DNAI3: variants seen among roughly 807,000 people sequenced by gnomAD.
The protein encoded by DNAI3 is dynein axonemal intermediate chain 3, also known as WD repeat domain 63.
DNAI3 carries 83 observed loss-of-function variants against 115.5 expected under a neutral mutation model. The ratio of observed to expected loss-of-function variants is 0.72; its 90% CI spans 0.60 to 0.86. The LOEUF (loss-of-function observed/expected upper bound fraction) is 0.86, where lower values mean the gene tolerates loss of function less well. Among genes scored for constraint, DNAI3 ranks in the 40% least tolerant of loss-of-function variants. DNAI3 has a pLI of 0.00. For synonymous variants in DNAI3, 320 were observed against 347.0 expected (o/e 0.92, Z 0.86); for missense variants, 1,004 against 1,075.8 (o/e 0.93, Z 0.93).
chr1:85,097,124 G>A (rs951158247), intron 11 of DNAI3, among the ~76,000 whole-genome samples: 4 of 151,814 alleles, frequency 2.6e-5, no homozygotes, highest in African/African-American at 9.7e-5. Context: ...AGAATTCAGA[G>A]TTGGCTGTAA....
At position 85,085,881 on chromosome 1, in the gene DNAI3, G is replaced by A. The variant is rs1351089340; in HGVS notation, c.591G>A (p.Lys197=). ...GAAGTGAATTTGGTGCACCAATTAA[G>A]TTCAGTGACCAGAATGCTTCCAGTG... ...RKRSEFGAPI[K]FSDQNASSVK... Residue 197 remains lysine, a synonymous_variant, in exon 7 of 23, where the codon AAG becomes AAA. Transcript: ENST00000294664. 1 of 1,614,178 alleles carries A rather than the reference G, an allele frequency of 6.2e-7. No individual in the cohort carries two copies. The highest frequency in any genetic ancestry group is 1.1e-5 in the South Asian group (1 of 91,084).
At chr1:85,119,058 T>A (rs1655913089) in intron 17 of DNAI3, among the ~76,000 whole-genome samples, 1 of 152,228 alleles carries the variant, frequency 6.6e-6, no homozygotes, top group African/African-American at 2.4e-5. Flanking sequence ...TAGTAAGCAA[T>A]GCAACACTAC....
chr1:85,124,097 G>C, intron 18 of DNAI3, 24 bp from the exon 19 acceptor site: 1 of 1,613,662 alleles, frequency 6.2e-7, no homozygotes, highest in African/African-American at 1.3e-5. Context: ...TTAAAGATGA[G>C]ATGGTCTTCT....
chr1:85,062,705 T>TAAGGGCGAG (rs1653966013), intron 1 of DNAI3, among the ~76,000 whole-genome samples: 1 of 152,172 alleles, frequency 6.6e-6, no homozygotes, highest in Admixed American at 6.5e-5. Flanking sequence ...CTAAGAACTT[T>TAAGGGCGAG]AAGGGCATGT....
intron 8 of DNAI3, among the ~76,000 whole-genome samples, chr1:85,092,794 T>TATAC (rs1272263536): frequency 1.0e-4 from 15 of 145,280 alleles, no homozygotes; most frequent in African/African-American, 3.6e-4. Context: ...CAACTAAAAC[T>TATAC]ACACACACAC....
In DNAI3 at chr1:85,073,685, A is replaced by G. The variant is rs562353437; in HGVS notation, c.103+593A>G. 1.3e-3 allele frequency among the ~76,000 whole-genome samples: 199 copies of G among 152,320 alleles called. 3 individuals carry two copies. Among genetic ancestry groups the G allele is most frequent in the South Asian group, 8.7e-3 (42 of 4,820 alleles). ...GGAAGACCTAAAAGCCCTGTAGGCC[A>G]CTGTAAAGATTTTGTCTTTTAATCG... On this transcript the variant is annotated intron_variant, in intron 3 of 22. Transcript: ENST00000294664.
At chr1:85,113,626 G>A (rs1480841810) in intron 16 of DNAI3, among the ~76,000 whole-genome samples, 1 of 148,750 alleles carries the variant, frequency 6.7e-6, no homozygotes. Context: ...AAATTAGATA[G>A]TGTTAGTTTT....
chr1:85,080,436 G>C (rs9787149), intron 3 of DNAI3, among the ~76,000 whole-genome samples: 90,776 of 152,030 alleles, frequency 0.6, 27,128 homozygotes, highest in Non-Finnish European at 0.6. Context: ...TAGTTGAATG[G>C]ATGCTGGTGG....
chr1:85,106,209 T>C (rs1320692232), intron 14 of DNAI3, among the ~76,000 whole-genome samples: 1 of 152,186 alleles, frequency 6.6e-6, no homozygotes, highest in Non-Finnish European at 1.5e-5. Flanking sequence ...TTTAAGATTA[T>C]GTAACTTTGA....
Position 85,103,573 on chromosome 1 carries a change from C to T in DNAI3, c.1480-951C>T, listed in dbSNP as rs1027094290. On this transcript the variant is annotated intron_variant, in intron 13 of 22. Coordinates refer to ENST00000294664, the MANE Select transcript of DNAI3 (RefSeq NM_145172.5). ...GGTAATGAAATGGTGGTATATCATCCGTATATTATAAAAGGATTAAAATAA... is the reference window on the plus strand; with the variant it reads ...GGTAATGAAATGGTGGTATATCATCTGTATATTATAAAAGGATTAAAATAA... Among the ~76,000 whole-genome samples, 5 of 152,178 alleles carry T rather than the reference C, an allele frequency of 3.3e-5. No homozygotes were observed. The South Asian group carries it at 6.2e-4, about 19-fold the overall frequency.
intron 1 of DNAI3, among the ~76,000 whole-genome samples, chr1:85,069,149 C>T (rs2100552459): frequency 6.6e-6 from 1 of 152,346 alleles, no homozygotes; most frequent in Non-Finnish European, 1.5e-5. Flanking sequence ...TAGTCTTTCC[C>T]TGACTCTGCT....
intron 7 of DNAI3, among the ~76,000 whole-genome samples, chr1:85,087,453 A>AAAAAAAG (rs1553165973): frequency 6.6e-6 from 1 of 150,494 alleles, no homozygotes; most frequent in African/African-American, 2.4e-5. Flanking sequence ...AAAAAAAAAA[A>AAAAAAAG]AAAAAAGAAA....
intron 3 of DNAI3, 41 bp downstream of exon 3, chr1:85,073,133 A>G (rs374214849): frequency 9.0e-5 from 128 of 1,423,640 alleles, no homozygotes; most frequent in Non-Finnish European, 1.1e-4. Context: ...CCTCAGTTTT[A>G]TAATATTTTA....
intron 1 of DNAI3, among the ~76,000 whole-genome samples, chr1:85,063,035 A>C (rs1446131981): frequency 1.3e-5 from 2 of 152,238 alleles, no homozygotes; most frequent in Non-Finnish European, 2.9e-5. Context: ...TAGTTTACCC[A>C]GTACCTAATT....
intron 18 of DNAI3, among the ~76,000 whole-genome samples, chr1:85,123,219 A>T (rs951675635): frequency 2.0e-5 from 3 of 152,090 alleles, no homozygotes; most frequent in African/African-American, 7.2e-5. Flanking sequence ...CAGAACTGCC[A>T]CTGCAGCCTC....
rs527730065 is a variant in DNAI3 at position 85,119,900 on chromosome 1, A to G, written c.1918-1851A>G. 1.6e-4 allele frequency among the ~76,000 whole-genome samples: 25 copies of G among 152,174 alleles called. No homozygotes were observed. The South Asian group carries it at 5.2e-3, about 32-fold the overall frequency. ...TTTTTAGTAAAGACAGTGTTTCACC[A>G]TGTTAGCCAGGCTGGTCTTGAACTC... On this transcript the variant is annotated intron_variant, in intron 17 of 22. Transcript: ENST00000294664.
intron 5 of DNAI3, 79 bp downstream of exon 5, chr1:85,082,483 TC>T: frequency 8.8e-7 from 1 of 1,137,346 alleles, no homozygotes; most frequent in South Asian, 1.3e-5. Context: ...TCTTGCTCTG[TC>T]ACCCAGGCTA....
chr1:85,072,854 C>T (rs1333355808), intron 2 of DNAI3, among the ~76,000 whole-genome samples, 200 bp from the exon 3 acceptor site: 1 of 146,918 alleles, frequency 6.8e-6, no homozygotes, highest in East Asian at 2.0e-4. Context: ...ACTCGGGAGG[C>T]TGAGGCAGGA....
At chr1:85,081,573 T>C (rs1654633556) in intron 4 of DNAI3, among the ~76,000 whole-genome samples, 158 bp downstream of exon 4, 1 of 152,194 alleles carries the variant, frequency 6.6e-6, no homozygotes, top group Admixed American at 6.5e-5. Flanking sequence ...TTGATGATCC[T>C]CTGTGAAAAG....
Sources: gnomAD v4.1 joint callset for allele counts (sites outside exome capture counted in the v4.1 genomes callset) on GRCh38, gnomAD v4.1.1 for gene constraint, MANE v1.5 for transcripts, NCBI Gene and HGNC (gene_info 2026-07-23, HGNC 2026-07-21) for gene names.